CHD5: variants seen among roughly 807,000 people sequenced by gnomAD.
CHD5 encodes ATP-dependent chromatin remodeler CHD5.
Under a neutral mutation model 230.3 loss-of-function variants are expected in CHD5, and 69 were observed. The observed-to-expected ratio is 0.30, with a 90% confidence interval of 0.25 to 0.37. The LOEUF is 0.37. CHD5 is among the 10% of genes least tolerant of loss of function. The pLI, the probability that CHD5 is intolerant of heterozygous loss-of-function variation, is 1.00. For synonymous variants in CHD5, 1,064 were observed against 1,065.9 expected (o/e 1.00, Z 0.03); for missense variants, 1,827 against 2,622.8 (o/e 0.70, Z 6.63).
chr1:6,179,139 CT>C (rs1164577602), intron 1 of CHD5, among the ~76,000 whole-genome samples: 3 of 152,228 alleles, frequency 2.0e-5, no homozygotes, highest in African/African-American at 7.2e-5. Flanking sequence ...ATACTAAATT[CT>C]GAGAGAGATA....
intron 7 of CHD5, among the ~76,000 whole-genome samples, chr1:6,149,679 CA>C (rs1666969673): frequency 6.6e-6 from 1 of 151,242 alleles, no homozygotes; most frequent in Non-Finnish European, 1.5e-5. Context: ...GATGGATAGA[CA>C]AATGGATGGA....
In CHD5 at chr1:6,143,480, CT is replaced by C. The variant is rs372819989; in HGVS notation, c.2043+342del. Among the ~76,000 whole-genome samples the C allele has an allele frequency of 1.6e-4, 25 of 152,024 alleles. No homozygotes were observed. In the East Asian group the frequency reaches 4.6e-3, roughly 28 times the overall value. On this transcript the variant is annotated intron_variant, in intron 13 of 41. Coordinates refer to ENST00000262450, the MANE Select transcript of CHD5 (RefSeq NM_015557.3). Reference sequence around the variant, plus strand: ...TTCTGTGGATACCCACCAAGGGCCCCTAGAAGACAGTGTGTCTTCTGAAACA... The same window carrying C: ...TTCTGTGGATACCCACCAAGGGCCCCAGAAGACAGTGTGTCTTCTGAAACA...
In CHD5 at chr1:6,124,123, G is replaced by T. The variant is rs1397102121; in HGVS notation, c.4540-16C>A. On this transcript the variant is annotated splice_polypyrimidine_tract_variant and intron_variant, in intron 30 of 41. Coordinates refer to ENST00000262450, the MANE Select transcript of CHD5 (RefSeq NM_015557.3). ...ACTCCTGAACCTGGGGTGGTGGGAGGGAAGGTGGAAGGGAAAGAGGGAGGG... is the reference window on the plus strand; with the variant it reads ...ACTCCTGAACCTGGGGTGGTGGGAGTGAAGGTGGAAGGGAAAGAGGGAGGG... The T allele has an allele frequency of 1.9e-6, 3 of 1,609,334 alleles. No individual in the cohort carries two copies. The Admixed American group carries it at 5.1e-5, about 27-fold the overall frequency.
intron 1 of CHD5, among the ~76,000 whole-genome samples, chr1:6,173,756 C>T (rs1289978657): frequency 5.9e-5 from 9 of 152,166 alleles, no homozygotes; most frequent in Admixed American, 5.9e-4. Flanking sequence ...CTAGTTTGGC[C>T]ACTGCTGGGC....
Position 6,104,345 on chromosome 1 carries a change from C to G in CHD5, c.*1129G>C, listed in dbSNP as rs1666122978. The G allele has an allele frequency of 6.6e-6, 1 of 152,316 alleles. No individual in the cohort carries two copies. The highest frequency in any genetic ancestry group is 1.5e-5 in the Non-Finnish European group (1 of 68,158). 9.4% of individuals were successfully genotyped at this position (152,316 alleles called of 1,614,324 possible). On this transcript the variant is annotated 3_prime_UTR_variant, in exon 42 of 42. Transcript: ENST00000262450. ...GTCCCCCTCCAGGCAGAACTCTCCC[C>G]ACGCCTTCCAAGAGTGCAGCCTCAG... is the stretch of plus-strand genomic sequence containing the variant.
In CHD5 at chr1:6,115,281, T is replaced by C. The variant is rs74815513; in HGVS notation, c.4913-2283A>G. Among the ~76,000 whole-genome samples, 675 of 151,040 alleles carry C rather than the reference T, an allele frequency of 4.5e-3. 8 individuals carry two copies. The highest frequency in any genetic ancestry group is 0.016 in the African/African-American group (650 of 41,170). ...AAAAAAAAAGAAAGGAAACACACAA[T>C]CATTAACATTTTAATTGCAGAATTT... On this transcript the variant is annotated intron_variant, in intron 33 of 41. Coordinates refer to ENST00000262450, the MANE Select transcript of CHD5 (RefSeq NM_015557.3).
chr1:6,160,019 G>GGGCCCC (rs1571167135), intron 2 of CHD5, among the ~76,000 whole-genome samples: 2 of 151,770 alleles, frequency 1.3e-5, no homozygotes, highest in Admixed American at 6.6e-5. Context: ...AGCCAGAGAA[G>GGGCCCC]AAAAGCCCCA....
At position 6,142,295 on chromosome 1, in the gene CHD5, G is replaced by C; in HGVS notation, c.2269C>G (p.Pro757Ala). The C allele has an allele frequency of 6.2e-7, 1 of 1,612,852 alleles. No homozygotes were observed. Among genetic ancestry groups the C allele is most frequent in the Non-Finnish European group, 8.5e-7 (1 of 1,178,854 alleles). Residue 757 changes from proline (P) to alanine (A), a missense_variant, in exon 15 of 42, where the codon CCC becomes GCC. Coordinates refer to ENST00000262450, the MANE Select transcript of CHD5 (RefSeq NM_015557.3). This position sits in a 1 kb window ranked among gnomAD's most constrained non-coding sequence, Gnocchi z 5.2. ...TCCCAGTTGATGATGGTGGAGAGGG[G>C]CGCGCTAACCAGGTAGGGCCCTTTG... is the stretch of plus-strand genomic sequence containing the variant. ...HSKGPYLVSAPLSTIINWERE... is the reference protein window; with the variant it reads ...HSKGPYLVSAALSTIINWERE...
intron 17 of CHD5, among the ~76,000 whole-genome samples, chr1:6,136,190 TGA>T (rs1666744420): frequency 6.6e-6 from 1 of 151,958 alleles, no homozygotes. Flanking sequence ...GTTGCCTATG[TGA>T]GTCACTTGGG....
rs1258970596 is a variant in CHD5 at position 6,149,017 on chromosome 1, C to T, written c.1220G>A (p.Gly407Asp). The stretch of plus-strand genomic sequence containing the variant: ...GTGGTCGTCCTCCTCCTCCTCGCAG[C>T]CGCCCTCCTCCTCTTCATCGTCGTC... ...KDDDDEEEEGGCEEEEDDHME... is the reference protein window; with the variant it reads ...KDDDDEEEEGDCEEEEDDHME... Residue 407 changes from glycine to aspartate, a missense_variant, in exon 9 of 42, where the codon GGC becomes GAC. Gly to Asp is a moderately conservative substitution (Grantham distance 94). This residue lies in a region of CHD5 where 657 missense variants were observed against 816.4 expected (regional missense o/e 0.80). Transcript: ENST00000262450. 1 of 1,602,590 alleles carries T rather than the reference C, an allele frequency of 6.2e-7. No individual in the cohort carries two copies. The highest frequency in any genetic ancestry group is 8.5e-7 in the Non-Finnish European group (1 of 1,174,974).
chr1:6,124,201 G>T, intron 30 of CHD5, 94 bp from the exon 31 acceptor site: 1 of 1,223,462 alleles, frequency 8.2e-7, no homozygotes, highest in Non-Finnish European at 1.2e-6. Context: ...GGGGCTGAAA[G>T]TGTCACAGGC....
At chr1:6,153,510 C>T (rs1206812453) in intron 5 of CHD5, among the ~76,000 whole-genome samples, 3 of 152,188 alleles carry the variant, frequency 2.0e-5, no homozygotes, top group African/African-American at 7.2e-5. Context: ...AAGGGATCCC[C>T]GGAGCCCCCT....
chr1:6,162,824 G>A (rs1213082940), intron 2 of CHD5, among the ~76,000 whole-genome samples: 2 of 152,216 alleles, frequency 1.3e-5, no homozygotes, highest in African/African-American at 2.4e-5. Context: ...GGGGCGAGAC[G>A]CGGTACAGAG....
At chr1:6,148,388 G>A (rs1666944231) in intron 9 of CHD5, among the ~76,000 whole-genome samples, 1 of 152,200 alleles carries the variant, frequency 6.6e-6, no homozygotes, top group African/African-American at 2.4e-5. Flanking sequence ...GGTCTGGGGT[G>A]GCTCCAGGAA....
chr1:6,146,391 G>A lies in CHD5; in HGVS notation c.1623C>T (p.Asn541=), dbSNP rs568703652. 184 of 1,614,138 alleles carry A rather than the reference G, an allele frequency of 1.1e-4. 2 individuals are homozygous for A. In the South Asian group the frequency reaches 1.9e-3, roughly 16 times the overall value. The change falls in exon 11 of 42, where the codon AAC becomes AAT. Residue 541 remains asparagine, a synonymous_variant. Transcript: ENST00000262450. This position sits in a 1 kb window ranked among gnomAD's most constrained non-coding sequence, Gnocchi z 5.1. The stretch of plus-strand genomic sequence containing the variant: ...CATCCATGTCGTTCTTTCTTTGGTA[G>A]TTGCGATACATCACCGTGTGGTACA... ...LELYHTVMYR[N]YQRKNDMDEP...
chr1:6,177,137 G>A (rs759078424), intron 1 of CHD5, among the ~76,000 whole-genome samples: 1 of 152,222 alleles, frequency 6.6e-6, no homozygotes, highest in African/African-American at 2.4e-5. Context: ...TTTAATAGCC[G>A]TAGACTGAAA....
intron 15 of CHD5, among the ~76,000 whole-genome samples, chr1:6,140,850 C>G (rs532070480): frequency 6.6e-6 from 1 of 151,814 alleles, no homozygotes; most frequent in African/African-American, 2.4e-5. Context: ...AAATTTAGAA[C>G]TTAGCTGAGT....
chr1:6,165,713 G>A (rs1214643717), intron 2 of CHD5, among the ~76,000 whole-genome samples: 2 of 152,080 alleles, frequency 1.3e-5, no homozygotes, highest in Admixed American at 1.3e-4. Context: ...TGGGGCCAGG[G>A]GACAGCGGCC....
Position 6,121,259 on chromosome 1 carries a change from A to T in CHD5, c.4780-22T>A, listed in dbSNP as rs763892208. 1.8e-5 allele frequency: 29 copies of T among 1,602,052 alleles called. No individual in the cohort carries two copies. In the South Asian group the frequency reaches 3.2e-4, roughly 18 times the overall value. ...GGGCCTGCAGAGGAAAAGCCAGGAG[A>T]ACTACAAGGCCTGGGGCCTCACCAG... is the stretch of plus-strand genomic sequence containing the variant. On this transcript the variant is annotated intron_variant, in intron 32 of 41. Transcript: ENST00000262450. The surrounding 1 kb of genome is among the most constrained non-coding windows in gnomAD (Gnocchi z 4.5).
Sources: allele counts gnomAD v4.1 joint callset (sites outside exome capture counted in the v4.1 genomes callset), GRCh38; gene constraint gnomAD v4.1.1; regional missense constraint gnomAD v4.1.1; non-coding constraint Gnocchi (gnomAD v3.1); transcripts MANE v1.5; gene names NCBI Gene and HGNC (gene_info 2026-07-23, HGNC 2026-07-21).